Variants in TFRC observed in about 807,000 individuals in gnomAD.
TFRC encodes the protein transferrin receptor, also known as transferrin receptor protein 1.
A neutral mutation model predicts 85.8 loss-of-function variants in TFRC; 35 were observed. That is an observed-to-expected ratio of 0.41 (90% CI 0.31 to 0.54). TFRC has a LOEUF of 0.54. TFRC is among the 20% of genes least tolerant of loss of function. The pLI is 0.31. For missense variants in TFRC, 828 were observed against 921.5 expected (o/e 0.90, Z 1.31); for synonymous variants, 362 against 328.6 (o/e 1.10, Z -1.10).
intron 18 of TFRC, among the ~76,000 whole-genome samples, chr3:196,052,474 C>T (rs1468620517): frequency 6.6e-6 from 1 of 151,838 alleles, no homozygotes; most frequent in Non-Finnish European, 1.5e-5. Flanking sequence ...GAGTTTCGCT[C>T]TTGTTGCCCA....
At chr3:196,063,301 G>A (rs1717440316) in intron 11 of TFRC, 1 of 158,564 alleles carries the variant, frequency 6.3e-6, no homozygotes, top group African/African-American at 2.4e-5. Context: ...GCATGATGAT[G>A]CACATCTTGA....
chr3:196,055,999 T>A (rs1421727539), intron 16 of TFRC, among the ~76,000 whole-genome samples: 2 of 147,946 alleles, frequency 1.4e-5, no homozygotes, highest in Non-Finnish European at 3.0e-5. Flanking sequence ...AGACGAGGCC[T>A]CTCTCTGTCA....
chr3:196,053,988 G>A (rs1716561039), intron 17 of TFRC, among the ~76,000 whole-genome samples: 1 of 152,198 alleles, frequency 6.6e-6, no homozygotes, highest in African/African-American at 2.4e-5. Flanking sequence ...TGTGATCCCA[G>A]CACTTTGGGA....
Position 196,068,020 on chromosome 3 carries a change from G to T in TFRC, c.900+12C>A. The stretch of plus-strand genomic sequence containing the variant: ...GAACTCAAAACGGTGATTTACTCAA[G>T]AAATAACTCACATGTCCAAAGAATG... On this transcript the variant is annotated intron_variant, in intron 8 of 18. Transcript: ENST00000360110. 1.9e-6 allele frequency: 3 copies of T among 1,603,780 alleles called. No individual in the cohort carries two copies. Among genetic ancestry groups the T allele is most frequent in the Non-Finnish European group, 2.6e-6 (3 of 1,172,994 alleles).
chr3:196,071,345 T>C, intron 6 of TFRC, 51 bp downstream of exon 6: 1 of 1,483,458 alleles, frequency 6.7e-7, no homozygotes, highest in Non-Finnish European at 9.4e-7. Context: ...AAAGATGAGT[T>C]TTGAATGATT....
intron 14 of TFRC, 69 bp from the exon 15 acceptor site, chr3:196,058,701 T>A (rs536399211): frequency 9.5e-7 from 1 of 1,049,312 alleles, no homozygotes; most frequent in East Asian, 2.4e-5. Flanking sequence ...GTCACTAACA[T>A]GTTACTCTAT....
At chr3:196,070,809 A>ATAATAATAAT (rs1553797739) in intron 6 of TFRC, among the ~76,000 whole-genome samples, 3 of 130,642 alleles carry the variant, frequency 2.3e-5, no homozygotes, top group African/African-American at 5.2e-5. Flanking sequence ...AATAATAATA[A>ATAATAATAAT]AATAAAAAAT....
intron 6 of TFRC, chr3:196,069,813 A>T (rs1718040002): frequency 2.9e-6 from 1 of 347,898 alleles, no homozygotes; most frequent in Non-Finnish European, 5.2e-6. Context: ...GCTGCCTTTC[A>T]TCTGAAGGGC....
intron 14 of TFRC, among the ~76,000 whole-genome samples, chr3:196,059,373 T>C (rs41297507): frequency 0.012 from 1,773 of 152,270 alleles, 22 homozygotes; most frequent in African/African-American, 0.041. Context: ...CCCACAATTG[T>C]AAAAGCCCTC....
At chr3:196,067,944 G>A in intron 8 of TFRC, 88 bp downstream of exon 8, 1 of 1,086,856 alleles carries the variant, frequency 9.2e-7, no homozygotes, top group East Asian at 2.5e-5. Context: ...GAGCAGTTAA[G>A]GAAGACACAG....
chr3:196,054,019 C>T (rs1716564084), intron 17 of TFRC, among the ~76,000 whole-genome samples: 2 of 151,794 alleles, frequency 1.3e-5, no homozygotes, highest in Non-Finnish European at 2.9e-5. Context: ...GGTGGATCAC[C>T]TGAGGTCAGG....
chr3:196,077,726 T>C (rs1718826855), intron 1 of TFRC, among the ~76,000 whole-genome samples: 1 of 151,848 alleles, frequency 6.6e-6, no homozygotes, highest in Non-Finnish European at 1.5e-5. Flanking sequence ...CACTCCAGCC[T>C]GGAAAACAAG....
intron 18 of TFRC, among the ~76,000 whole-genome samples, chr3:196,052,558 A>G (rs927315232): frequency 2.0e-5 from 3 of 151,984 alleles, no homozygotes; most frequent in Non-Finnish European, 2.9e-5. Context: ...CTCCTGCCTC[A>G]GCCTCCTGAG....
chr3:196,064,337 G>A lies in TFRC; in HGVS notation c.1290C>T (p.Ala430=). Residue 430 remains alanine, a synonymous_variant, in exon 11 of 19, where the codon GCC becomes GCT. Coordinates refer to ENST00000360110, the MANE Select transcript of TFRC (RefSeq NM_001128148.3). The part of the protein sequence containing the change: ...GVGTALLLKL[A]QMFSDMVLKD... ...TTAAGACCATATCTGAGAACATCTG[G>A]GCAAGTTTCAATAGGAGAGCTGTGC... 6.2e-7 allele frequency: 1 copy of A among 1,613,236 alleles called. No individual in the cohort carries two copies. Among genetic ancestry groups the A allele is most frequent in the African/African-American group, 1.3e-5 (1 of 74,934 alleles).
At chr3:196,054,455 G>C (rs909245310) in intron 17 of TFRC, among the ~76,000 whole-genome samples, 1 of 151,946 alleles carries the variant, frequency 6.6e-6, no homozygotes, top group Non-Finnish European at 1.5e-5. Flanking sequence ...AAAAAGATTC[G>C]GTTGTCAGTG....
intron 16 of TFRC, chr3:196,057,875 T>C (rs1389400169): frequency 6.6e-6 from 1 of 151,448 alleles, no homozygotes; most frequent in Non-Finnish European, 1.5e-5. Flanking sequence ...GAGTCACTAG[T>C]GTTAACAAAA....
rs752349775 is a variant in TFRC, at chr3:196,074,060, C to T, written c.304G>A (p.Ala102Thr). ...VEPKTECERL[A>T]GTESPVREEP... The stretch of plus-strand genomic sequence containing the variant: ...TCCCTCACTGGAGACTCGGTTCCTG[C>T]CAGTCTCTCACACTCAGTTTTTGGT... The change falls in exon 4 of 19, where the codon GCA becomes ACA. Residue 102 changes from alanine to threonine, a missense_variant. Transcript: ENST00000360110. The T allele has an allele frequency of 2.7e-5, 43 of 1,614,000 alleles. No homozygotes were observed. The East Asian group carries it at 8.5e-4, about 32-fold the overall frequency.
intron 1 of TFRC, among the ~76,000 whole-genome samples, chr3:196,079,010 G>T (rs1163070893): frequency 6.6e-6 from 1 of 152,086 alleles, no homozygotes; most frequent in Admixed American, 6.6e-5. Flanking sequence ...CTGACCTAGG[G>T]TGATCCACCC....
In TFRC at chr3:196,074,106, C is replaced by T. The variant is rs1718456689; in HGVS notation, c.258G>A (p.Leu86=). ...TTGGTTCTACCCCTTTACAATAGCCCAAGTAGCCAATCATAAATCCTAAAG... is the reference window on the plus strand; with the variant it reads ...TTGGTTCTACCCCTTTACAATAGCCTAAGTAGCCAATCATAAATCCTAAAG... ...FFLIGFMIGY[L]GYCKGVEPKT... The change falls in exon 4 of 19, where the codon TTG becomes TTA. Residue 86 remains leucine, a synonymous_variant. Coordinates refer to ENST00000360110, the MANE Select transcript of TFRC (RefSeq NM_001128148.3). 6.2e-7 allele frequency: 1 copy of T among 1,612,786 alleles called. No homozygotes were observed. Among genetic ancestry groups the T allele is most frequent in the East Asian group, 2.2e-5 (1 of 44,830 alleles).
Sources: allele counts gnomAD v4.1 joint callset (sites outside exome capture counted in the v4.1 genomes callset), GRCh38; gene constraint gnomAD v4.1.1; transcripts MANE v1.5; gene names NCBI Gene and HGNC (gene_info 2026-07-23, HGNC 2026-07-21).